Variants in PDE1C observed in about 807,000 individuals in gnomAD.
PDE1C encodes phosphodiesterase 1C, also known as dual specificity calcium/calmodulin-dependent 3',5'-cyclic nucleotide phosphodiesterase 1C.
PDE1C carries 62 observed loss-of-function variants against 93.1 expected under a neutral mutation model. The ratio of observed to expected loss-of-function variants is 0.67; its 90% CI spans 0.54 to 0.82. The LOEUF (loss-of-function observed/expected upper bound fraction) is 0.82, where lower values mean the gene tolerates loss of function less well. PDE1C is among the 40% of genes least tolerant of loss of function. The pLI, the probability that PDE1C is intolerant of heterozygous loss-of-function variation, is 0.00. For missense variants in PDE1C, 742 were observed against 884.6 expected, an observed-to-expected ratio of 0.84 and a Z score of 2.04; for synonymous variants, 325 against 310.1, an observed-to-expected ratio of 1.05 and a Z score of -0.50.
chr7:31,957,888 A>C (rs1036717552), intron 2 of PDE1C, among the ~76,000 whole-genome samples: 1 of 152,136 alleles, frequency 6.6e-6, no homozygotes, highest in African/African-American at 2.4e-5. Flanking sequence ...GTTACCATCC[A>C]AAGGCTAAAT....
intron 2 of PDE1C, among the ~76,000 whole-genome samples, chr7:32,019,046 A>G (rs921437142): frequency 2.6e-5 from 4 of 151,494 alleles, no homozygotes; most frequent in African/African-American, 9.7e-5. Context: ...TTCAGTACCT[A>G]TGATAAACCA....
chr7:31,763,772 C>A (rs931258507), intron 17 of PDE1C, among the ~76,000 whole-genome samples: 6 of 152,014 alleles, frequency 3.9e-5, no homozygotes, highest in African/African-American at 1.5e-4. Flanking sequence ...GTGATAGCGC[C>A]CTCCCTGGTG....
intron 1 of PDE1C, among the ~76,000 whole-genome samples, chr7:32,393,190 C>T (rs1047504427): frequency 2.0e-5 from 3 of 151,382 alleles, no homozygotes; most frequent in Admixed American, 2.0e-4. Context: ...CCCCTAAAAT[C>T]AGGAACAAGG....
the PDE1C span, chr7:31,651,385 GC>G: frequency 8.2e-7 from 1 of 1,219,376 alleles, no homozygotes; most frequent in Non-Finnish European, 1.1e-6. Context: ...AAACCGGCCA[GC>G]TTTTCCTTTG....
intron 12 of PDE1C, among the ~76,000 whole-genome samples, chr7:31,826,912 A>T (rs1217672909): frequency 6.6e-6 from 1 of 152,204 alleles, no homozygotes; most frequent in Non-Finnish European, 1.5e-5. Flanking sequence ...CTCTGCCACT[A>T]AAGTGCTAAA....
intron 3 of PDE1C, among the ~76,000 whole-genome samples, chr7:32,151,968 T>G (rs1801288382): frequency 6.6e-6 from 1 of 152,244 alleles, no homozygotes; most frequent in South Asian, 2.1e-4. Flanking sequence ...TGATGACATT[T>G]TTATTTTAAT....
At chr7:32,367,057 C>T (rs1784242499) in intron 1 of PDE1C, among the ~76,000 whole-genome samples, 1 of 151,814 alleles carries the variant, frequency 6.6e-6, no homozygotes, top group Admixed American at 6.6e-5. Context: ...GAGAAGTCTG[C>T]CAGTCAAGAA....
At chr7:31,651,045 A>G in the PDE1C span, 1 of 1,429,566 alleles carries the variant, frequency 7.0e-7, no homozygotes, top group Non-Finnish European at 9.4e-7. Context: ...TGTTTGCGAA[A>G]AAAGGGATCC....
chr7:31,716,936 G>T, the PDE1C span, among the ~76,000 whole-genome samples: 28 of 152,116 alleles, frequency 1.8e-4, no homozygotes, highest in African/African-American at 6.7e-4. Flanking sequence ...AAATGAGACT[G>T]AAAAAAATGA....
chr7:32,053,976 C>G (rs1353196361), intron 1 of PDE1C, among the ~76,000 whole-genome samples: 2 of 151,824 alleles, frequency 1.3e-5, no homozygotes, highest in African/African-American at 4.8e-5. Context: ...TGGAAGTATA[C>G]AGCAAGCAGA....
chr7:32,197,640 T>A (rs539796145), intron 2 of PDE1C, among the ~76,000 whole-genome samples: 1 of 152,328 alleles, frequency 6.6e-6, no homozygotes, highest in African/African-American at 2.4e-5. Context: ...TGCTTACACA[T>A]GTTACAACAT....
intron 2 of PDE1C, among the ~76,000 whole-genome samples, chr7:32,023,635 G>C (rs77367510): frequency 0.021 from 2,249 of 106,226 alleles, 74 homozygotes; most frequent in African/African-American, 0.059. Context: ...AGTTTATGCT[G>C]CGTGAGAAAA....
chr7:32,300,565 C>T (rs1030221989), upstream of PDE1C, among the ~76,000 whole-genome samples: 2 of 152,170 alleles, frequency 1.3e-5, no homozygotes, highest in Non-Finnish European at 2.9e-5. Context: ...GCTACATGGC[C>T]TTGACCTCCC....
rs554831257 is a variant in PDE1C, at chr7:32,229,312, A to T, written c.86-19773T>A. ...GGACAACTGTTGTGTACAGCCAGGC[A>T]GGTTGTGCACTGCACAAGTCTAGGG... On this transcript the variant is annotated intron_variant, in intron 1 of 18. Coordinates refer to the PDE1C transcript ENST00000396193. Among the ~76,000 whole-genome samples, 4 of 152,340 alleles carry T rather than the reference A, an allele frequency of 2.6e-5. No homozygotes were observed. In the South Asian group the frequency reaches 6.2e-4, roughly 24 times the overall value.
intron 3 of PDE1C, among the ~76,000 whole-genome samples, chr7:32,150,127 C>T (rs986445733): frequency 6.6e-6 from 1 of 152,188 alleles, no homozygotes; most frequent in Admixed American, 6.5e-5. Context: ...CTCCCAGCAC[C>T]GGATTCAACT....
intron 1 of PDE1C, among the ~76,000 whole-genome samples, chr7:32,344,160 A>G (rs1215221096): frequency 6.6e-6 from 1 of 152,128 alleles, no homozygotes; most frequent in Non-Finnish European, 1.5e-5. Flanking sequence ...TGCAGCCTCC[A>G]TCTCCTGGGC....
chr7:32,149,402 A>G (rs1255451079), intron 3 of PDE1C, among the ~76,000 whole-genome samples: 1 of 152,234 alleles, frequency 6.6e-6, no homozygotes, highest in Non-Finnish European at 1.5e-5. Context: ...CTCAGACCAC[A>G]CTGCTCATCT....
chr7:32,189,694 C>A (rs1243154480), intron 2 of PDE1C, among the ~76,000 whole-genome samples: 4 of 152,032 alleles, frequency 2.6e-5, no homozygotes, highest in African/African-American at 9.7e-5. Context: ...ATATGCACTG[C>A]AATCAAAAAT....
At chr7:32,407,448 T>C (rs1785078395) in intron 1 of PDE1C, among the ~76,000 whole-genome samples, 1 of 152,136 alleles carries the variant, frequency 6.6e-6, no homozygotes, top group Non-Finnish European at 1.5e-5. Context: ...TGCACAGGCC[T>C]CTTTGTCATG....
Sources: gnomAD v4.1 joint callset for allele counts (sites outside exome capture counted in the v4.1 genomes callset) on GRCh38, gnomAD v4.1.1 for gene constraint, MANE v1.5 for transcripts, NCBI Gene and HGNC (gene_info 2026-07-23, HGNC 2026-07-21) for gene names.